Variants in NFIA observed in about 807,000 individuals in gnomAD.
NFIA encodes the protein nuclear factor 1 A-type.
NFIA carries 8 observed loss-of-function variants against 62.8 expected under a neutral mutation model. The ratio of observed to expected loss-of-function variants is 0.13; its 90% CI spans 0.07 to 0.23. NFIA has a LOEUF of 0.23. Among genes scored for constraint, NFIA ranks in the 10% least tolerant of loss-of-function variants. NFIA has a pLI of 1.00. For synonymous variants in NFIA, 235 were observed against 238.1 expected, an observed-to-expected ratio of 0.99 and a Z score of 0.12; for missense variants, 410 against 642.1, an observed-to-expected ratio of 0.64 and a Z score of 3.91.
intron 2 of NFIA, among the ~76,000 whole-genome samples, chr1:61,234,331 C>T (rs1449350859): frequency 1.4e-5 from 2 of 141,872 alleles, no homozygotes; most frequent in African/African-American, 2.7e-5. Context: ...CGTGCCATTG[C>T]GCCCCAGCCT....
chr1:61,221,630 A>G (rs1046701116), intron 2 of NFIA, among the ~76,000 whole-genome samples: 22 of 152,146 alleles, frequency 1.4e-4, no homozygotes, highest in African/African-American at 5.1e-4. Flanking sequence ...AAAAATTGGC[A>G]TCCTGAAAGA....
In NFIA at chr1:61,321,313, G is replaced by A. The variant is rs574038082; in HGVS notation, c.626-11199G>A. ...CAAGTCTAAATTTTCAGTTGAGTCCGCTTGCAAAACAACTGTTTCAGCTTT... is the reference window on the plus strand; with the variant it reads ...CAAGTCTAAATTTTCAGTTGAGTCCACTTGCAAAACAACTGTTTCAGCTTT... On this transcript the variant is annotated intron_variant, in intron 3 of 10. Transcript: ENST00000403491. Among the ~76,000 whole-genome samples the A allele has an allele frequency of 4.7e-4, 72 of 152,048 alleles. 1 individual carries two copies. In the South Asian group the frequency reaches 5.4e-3, roughly 11 times the overall value.
chr1:61,369,982 T>G (rs1298551523), intron 6 of NFIA, among the ~76,000 whole-genome samples: 1 of 152,176 alleles, frequency 6.6e-6, no homozygotes, highest in East Asian at 1.9e-4. Flanking sequence ...CTGTGGTTTT[T>G]GGCCATCAAT....
chr1:61,218,846 A>G (rs12734797), intron 2 of NFIA, among the ~76,000 whole-genome samples: 18,756 of 152,256 alleles, frequency 0.12, 1,343 homozygotes, highest in South Asian at 0.24. Context: ...ATATTGCTCA[A>G]ACATGACTGT....
chr1:61,163,252 ACAAT>A (rs1303515289), intron 2 of NFIA, among the ~76,000 whole-genome samples: 1 of 152,230 alleles, frequency 6.6e-6, no homozygotes, highest in Non-Finnish European at 1.5e-5. Flanking sequence ...TTTCTCAAAA[ACAAT>A]CAAATAATTT....
At chr1:61,448,088 GC>G (rs1237533508) in intron 10 of NFIA, among the ~76,000 whole-genome samples, 2 of 152,100 alleles carry the variant, frequency 1.3e-5, no homozygotes, top group Non-Finnish European at 2.9e-5. Context: ...TATGTAGTAT[GC>G]CATTCGCTAA....
intron 2 of NFIA, among the ~76,000 whole-genome samples, chr1:61,110,930 T>G (rs1202893810): frequency 6.6e-6 from 1 of 152,132 alleles, no homozygotes; most frequent in African/African-American, 2.4e-5. Context: ...AGTGATCTCT[T>G]GAACTGTAGT....
intron 3 of NFIA, among the ~76,000 whole-genome samples, chr1:61,279,238 T>C (rs1657991218): frequency 6.6e-6 from 1 of 152,204 alleles, no homozygotes; most frequent in Non-Finnish European, 1.5e-5. Context: ...TTAGCTATCC[T>C]ATCACTGATT....
intron 3 of NFIA, among the ~76,000 whole-genome samples, chr1:61,287,251 G>A (rs1339202494): frequency 6.6e-6 from 1 of 152,174 alleles, no homozygotes; most frequent in Admixed American, 6.5e-5. Flanking sequence ...TCATAGCATT[G>A]TTAAGGAATG....
intron 2 of NFIA, among the ~76,000 whole-genome samples, chr1:61,249,275 C>T (rs1042710583): frequency 3.3e-5 from 5 of 152,130 alleles, no homozygotes; most frequent in African/African-American, 4.8e-5. Context: ...ACCACAACAA[C>T]ATGGTAAACA....
chr1:61,219,724 A>G (rs1653895861), intron 2 of NFIA, among the ~76,000 whole-genome samples: 2 of 151,406 alleles, frequency 1.3e-5, no homozygotes, highest in South Asian at 4.2e-4. Context: ...AAAAAAAAAA[A>G]AAGAAAAAAG....
At chr1:61,348,998 G>A (rs183741416) in intron 4 of NFIA, among the ~76,000 whole-genome samples, 1 of 152,230 alleles carries the variant, frequency 6.6e-6, no homozygotes, top group East Asian at 1.9e-4. Flanking sequence ...CTCCAGGAAG[G>A]CACAAAGCAT....
intron 4 of NFIA, among the ~76,000 whole-genome samples, chr1:61,339,888 T>C (rs774062744): frequency 2.4e-4 from 36 of 152,192 alleles, no homozygotes; most frequent in Admixed American, 3.3e-4. Flanking sequence ...CTCAGCCCTA[T>C]GAATTAAAAG....
chr1:61,082,078 G>A (rs1303018599), upstream of NFIA: 2 of 1,524,230 alleles, frequency 1.3e-6, no homozygotes, highest in Non-Finnish European at 1.8e-6. Context: ...GGGGTGGGGG[G>A]ATGGGGACGA....
chr1:61,112,591 G>T (rs1367684994), intron 2 of NFIA, among the ~76,000 whole-genome samples: 1 of 152,148 alleles, frequency 6.6e-6, no homozygotes, highest in African/African-American at 2.4e-5. Flanking sequence ...TATATTAAAG[G>T]TAGTTTTTAC....
At position 61,406,542 on chromosome 1, in the gene NFIA, T is replaced by TGGGGC; in HGVS notation, c.1255-19_1255-18insGGGCG. ...TTCTTTTTCTTGTACGTGTGTTTTC[T>TGGGGC]GCCCCCCCCCCCCCCACAGCCCAAT... On this transcript the variant is annotated intron_variant, in intron 8 of 10. Transcript: ENST00000403491. The TGGGGC allele has an allele frequency of 8.0e-7, 1 of 1,253,828 alleles. No homozygotes were observed. Among genetic ancestry groups the TGGGGC allele is most frequent in the African/African-American group, 2.2e-5 (1 of 46,500 alleles). The allele number at this position is 1,253,828 out of a possible 1,614,324, so 77.7% of individuals were successfully genotyped here. A position where few individuals can be genotyped will look rare whatever the true frequency, so the allele number is the denominator to read the frequency against.
chr1:61,462,008 A>G lies in NFIA; in HGVS notation c.*6688A>G, dbSNP rs1025592431. 1.6e-4 allele frequency: 22 copies of G among 135,534 alleles called. No homozygotes were observed. Among genetic ancestry groups the G allele is most frequent in the Non-Finnish European group, 3.5e-4 (22 of 63,356 alleles). 8.4% of individuals were successfully genotyped at this position (135,534 alleles called of 1,614,324 possible). On this transcript the variant is annotated 3_prime_UTR_variant, in exon 11 of 11. Transcript: ENST00000403491. The stretch of plus-strand genomic sequence containing the variant: ...TTTTTATTTTTTGATAATAGTCTGT[A>G]AGTTAGCCTTTTTGGGTTTTTTTTT...
intron 2 of NFIA, among the ~76,000 whole-genome samples, chr1:61,115,729 TC>T (rs1332941513): frequency 2.0e-5 from 3 of 152,160 alleles, no homozygotes; most frequent in Non-Finnish European, 2.9e-5. Context: ...GTGAGAAACT[TC>T]CCAACTTCAT....
At chr1:61,100,561 A>G (rs1227337035) in intron 2 of NFIA, among the ~76,000 whole-genome samples, 2 of 152,192 alleles carry the variant, frequency 1.3e-5, no homozygotes, top group Admixed American at 6.5e-5. Context: ...AATAGCCTGT[A>G]TGAAGTTTTT....
Sources: gnomAD v4.1 joint callset for allele counts (sites outside exome capture counted in the v4.1 genomes callset) on GRCh38, gnomAD v4.1.1 for gene constraint, MANE v1.5 for transcripts, NCBI Gene and HGNC (gene_info 2026-07-23, HGNC 2026-07-21) for gene names.